Variants in AHRR observed in about 807,000 individuals in gnomAD.
AHRR encodes the protein aryl hydrocarbon receptor repressor.
Under a neutral mutation model 44.0 loss-of-function variants are expected in AHRR, and 28 were observed. The ratio of observed to expected loss-of-function variants is 0.64; its 90% CI spans 0.47 to 0.87. AHRR has a LOEUF of 0.87. AHRR is among the 40% of genes least tolerant of loss of function. The pLI is 0.00. For missense variants in AHRR, 990 were observed against 953.9 expected, an observed-to-expected ratio of 1.04 and a Z score of -0.50; for synonymous variants, 434 against 407.0, an observed-to-expected ratio of 1.07 and a Z score of -0.80.
intron 1 of AHRR, among the ~76,000 whole-genome samples, chr5:329,132 C>T (rs1741828864): frequency 6.6e-6 from 1 of 152,138 alleles, no homozygotes; most frequent in Non-Finnish European, 1.5e-5. Context: ...GACACACACA[C>T]CTCTGTCTTT....
At position 337,376 on chromosome 5, in the gene AHRR, G is replaced by A. The variant is rs1742178382; in HGVS notation, c.-10-6517G>A. Reference sequence around the variant, plus strand: ...ATCAGCTCTCTGTTTTTCTTTATGTGTATGTATATACACACACATACATAC... The same window carrying A: ...ATCAGCTCTCTGTTTTTCTTTATGTATATGTATATACACACACATACATAC... On this transcript the variant is annotated intron_variant, in intron 1 of 10. Transcript: ENST00000684583. The surrounding 1 kb of genome is among the most constrained non-coding windows in gnomAD (Gnocchi z 4.1). 6.6e-6 allele frequency among the ~76,000 whole-genome samples: 1 copy of A among 152,012 alleles called. No individual in the cohort carries two copies. Among genetic ancestry groups the A allele is most frequent in the Non-Finnish European group, 1.5e-5 (1 of 68,014 alleles).
intron 7 of AHRR, among the ~76,000 whole-genome samples, chr5:425,483 A>G (rs1433074637): frequency 6.6e-6 from 1 of 152,106 alleles, no homozygotes; most frequent in East Asian, 1.9e-4. Flanking sequence ...ACGCCCGGCT[A>G]ATTTTTTTGT....
chr5:398,388 G>A (rs1734858420), intron 4 of AHRR, among the ~76,000 whole-genome samples: 1 of 148,562 alleles, frequency 6.7e-6, no homozygotes, highest in African/African-American at 2.5e-5. Flanking sequence ...CCGACTGTCT[G>A]GTTAGCCCCT....
chr5:346,101 C>T (rs1363421868), intron 2 of AHRR, among the ~76,000 whole-genome samples: 1 of 152,206 alleles, frequency 6.6e-6, no homozygotes, highest in East Asian at 1.9e-4. Context: ...CCAAGGGCTG[C>T]AGAAGAAACA....
chr5:393,972 G>A (rs574817366), intron 4 of AHRR, among the ~76,000 whole-genome samples: 1 of 152,328 alleles, frequency 6.6e-6, no homozygotes, highest in Non-Finnish European at 1.5e-5. Context: ...TTGTGGCGAC[G>A]TGTCCTCTGT....
At chr5:392,484 G>A (rs1579658509) in intron 4 of AHRR, among the ~76,000 whole-genome samples, 1 of 152,156 alleles carries the variant, frequency 6.6e-6, no homozygotes, top group East Asian at 1.9e-4. Context: ...ACGGGCGCAG[G>A]GCGAGGTGGG....
Position 423,986 on chromosome 5 carries a change from G to A in AHRR, c.708+9G>A, listed in dbSNP as rs374327351. On this transcript the variant is annotated intron_variant, in intron 7 of 10. Coordinates refer to ENST00000684583, the MANE Select transcript of AHRR (RefSeq NM_001377236.1). ...GCACCTCGGGCTTCCTGGTGAGTGC[G>A]TGGGTCCCTGGCAGGGGGCTCCCGA... The A allele has an allele frequency of 4.9e-5, 78 of 1,595,132 alleles. No individual in the cohort carries two copies. The highest frequency in any genetic ancestry group is 5.9e-5 in the Non-Finnish European group (70 of 1,176,918).
At chr5:400,873 A>G (rs1396075196) in intron 4 of AHRR, among the ~76,000 whole-genome samples, 1 of 152,226 alleles carries the variant, frequency 6.6e-6, no homozygotes, top group African/African-American at 2.4e-5. Context: ...AACTATTATT[A>G]GTAGGACATC....
chr5:393,822 G>C (rs2126478905), intron 4 of AHRR, among the ~76,000 whole-genome samples: 1 of 152,264 alleles, frequency 6.6e-6, no homozygotes, highest in East Asian at 1.9e-4. Context: ...ATTTTTAGTA[G>C]AGATGGGGTT....
chr5:376,399 C>G (rs1436140426), intron 3 of AHRR, among the ~76,000 whole-genome samples: 1 of 55,926 alleles, frequency 1.8e-5, no homozygotes, highest in Non-Finnish European at 5.4e-5. Flanking sequence ...CCTGGCTGAT[C>G]TGAGGCCTGT....
intron 1 of AHRR, chr5:322,729 A>G (rs1183842839): frequency 2.0e-5 from 3 of 152,236 alleles, no homozygotes; most frequent in Non-Finnish European, 4.4e-5. Context: ...CGAGTGTGCC[A>G]TACCCATCCC....
chr5:434,855 C>T lies in AHRR; in HGVS notation c.*21C>T. The T allele has an allele frequency of 2.0e-6, 3 of 1,529,500 alleles. No homozygotes were observed. Among genetic ancestry groups the T allele is most frequent in the Non-Finnish European group, 2.6e-6 (3 of 1,133,064 alleles). 94.7% of individuals were successfully genotyped at this position (1,529,500 alleles called of 1,614,324 possible). ...CATAGCGCAGTGACCACCATCCAAGCTCAGATCTGTGTGTCTACGCTCAGA... is the reference window on the plus strand; with the variant it reads ...CATAGCGCAGTGACCACCATCCAAGTTCAGATCTGTGTGTCTACGCTCAGA... On this transcript the variant is annotated 3_prime_UTR_variant, in exon 11 of 11. Coordinates refer to ENST00000684583, the MANE Select transcript of AHRR (RefSeq NM_001377236.1).
intron 4 of AHRR, chr5:403,660 C>G: frequency 1.8e-6 from 1 of 562,366 alleles, no homozygotes; most frequent in Non-Finnish European, 3.0e-6. Context: ...AAAAAGTAAC[C>G]ACTTTAAATA....
intron 3 of AHRR, among the ~76,000 whole-genome samples, chr5:366,516 G>T (rs994539775): frequency 6.6e-6 from 1 of 152,128 alleles, no homozygotes; most frequent in Admixed American, 6.5e-5. Context: ...GAAAGAAAAG[G>T]TGAATTACAA....
chr5:340,030 G>A (rs539748484), intron 1 of AHRR, among the ~76,000 whole-genome samples: 23 of 152,290 alleles, frequency 1.5e-4, no homozygotes, highest in South Asian at 1.5e-3. Context: ...AATGCCTTTG[G>A]TGTGGCATCA....
chr5:430,289 C>T (rs771746085), intron 8 of AHRR, among the ~76,000 whole-genome samples: 8 of 152,240 alleles, frequency 5.3e-5, no homozygotes, highest in African/African-American at 1.2e-4. Context: ...GGCACGCTGC[C>T]GTCCCTCCTG....
intron 5 of AHRR, among the ~76,000 whole-genome samples, chr5:418,309 C>T (rs1735917066): frequency 6.6e-6 from 1 of 152,176 alleles, no homozygotes; most frequent in African/African-American, 2.4e-5. Context: ...CTTGATGTCA[C>T]TTTGTAGGAA....
intron 4 of AHRR, among the ~76,000 whole-genome samples, chr5:409,912 T>C (rs537056226): frequency 1.4e-4 from 22 of 152,338 alleles, no homozygotes; most frequent in Non-Finnish European, 2.8e-4. Context: ...GGCTTTGTGT[T>C]TGTGTCTGTT....
intron 1 of AHRR, among the ~76,000 whole-genome samples, chr5:332,956 T>TTTTTTTTTTTG: frequency 6.9e-6 from 1 of 143,990 alleles, no homozygotes; most frequent in African/African-American, 2.8e-5. Context: ...TTTACTGTTT[T>TTTTTTTTTTTG]TGGCGTAAAG....
Sources: gnomAD v4.1 joint callset for allele counts (sites outside exome capture counted in the v4.1 genomes callset) on GRCh38, gnomAD v4.1.1 for gene constraint, Gnocchi (gnomAD v3.1) non-coding constraint, MANE v1.5 for transcripts, NCBI Gene and HGNC (gene_info 2026-07-23, HGNC 2026-07-21) for gene names.